Variants in ZNF141 observed in about 807,000 individuals in gnomAD.
The protein encoded by ZNF141 is zinc finger protein 141.
In ZNF141, 7 loss-of-function variants were observed where a neutral mutation model predicts 11.3. That is an observed-to-expected ratio of 0.62 (90% CI 0.35 to 1.16). The LOEUF (loss-of-function observed/expected upper bound fraction) is 1.16, where lower values mean the gene tolerates loss of function less well. Ranked by LOEUF, ZNF141 falls within the 50% of genes most tolerant of loss-of-function variation. The probability of loss-of-function intolerance (pLI) is 0.02; values close to 1 mark genes in which losing one functional copy is unlikely to be tolerated. For missense variants in ZNF141, 535 were observed against 554.0 expected (o/e 0.97, Z 0.34); for synonymous variants, 183 against 190.7 (o/e 0.96, Z 0.33).
chr4:366,463 C>T (rs188880378), intron 3 of ZNF141, among the ~76,000 whole-genome samples: 1 of 151,614 alleles, frequency 6.6e-6, no homozygotes, highest in Admixed American at 6.6e-5. Flanking sequence ...CGTGTGCCGC[C>T]CCACTAATTT....
At chr4:347,541 G>T (rs1174198164) in intron 3 of ZNF141, among the ~76,000 whole-genome samples, 2 of 151,706 alleles carry the variant, frequency 1.3e-5, no homozygotes, top group African/African-American at 4.8e-5. Flanking sequence ...GGGTTTCGCT[G>T]TGTTAGCCAG....
At chr4:357,637 G>A (rs1553851375) in intron 3 of ZNF141, among the ~76,000 whole-genome samples, 3 of 151,044 alleles carry the variant, frequency 2.0e-5, no homozygotes, top group Admixed American at 2.0e-4. Context: ...CTTAAGAGAT[G>A]TACATTCCTA....
At chr4:343,738 A>AG (rs1553848917) in intron 1 of ZNF141, 44 bp from the exon 2 acceptor site, 1 of 1,396,824 alleles carries the variant, frequency 7.2e-7, no homozygotes, top group Non-Finnish European at 9.4e-7. Context: ...AAAAAAAAAA[A>AG]AAAAAAAAAA....
chr4:370,842 T>G lies in ZNF141; in HGVS notation c.227-1822T>G, dbSNP rs1712020049. Among the ~76,000 whole-genome samples the G allele has an allele frequency of 2.0e-5, 3 of 152,110 alleles. No individual in the cohort carries two copies. The South Asian group carries it at 6.2e-4, about 32-fold the overall frequency. ...GCCTCCCAGGTTCACACCATTCTCC[T>G]GCCTCAGCCTCCCGCATAGCTGGGA... On this transcript the variant is annotated intron_variant, in intron 3 of 3. Transcript: ENST00000240499.
intron 3 of ZNF141, among the ~76,000 whole-genome samples, chr4:351,996 T>C (rs932229140): frequency 2.6e-5 from 4 of 152,066 alleles, no homozygotes; most frequent in African/African-American, 9.7e-5. Flanking sequence ...CTAAGGAGTA[T>C]TGCAGTGGGG....
chr4:351,820 G>A (rs1041829654), intron 3 of ZNF141, among the ~76,000 whole-genome samples: 8 of 152,160 alleles, frequency 5.3e-5, no homozygotes, highest in Non-Finnish European at 7.3e-5. Context: ...AATTAGACAG[G>A]GAAGGAGCCC....
At position 340,346 on chromosome 4, in the gene ZNF141, A is replaced by G. The variant is rs956750844; in HGVS notation, c.3+2360A>G. On this transcript the variant is annotated intron_variant, in intron 1 of 3. Transcript: ENST00000240499. ...CTATTTGGGATCTACAATCCCTTCT[A>G]TAGCAGTTTGACTAGATTTCTACAA... Among the ~76,000 whole-genome samples the G allele has an allele frequency of 7.9e-5, 12 of 152,368 alleles. No homozygotes were observed. In the East Asian group the frequency reaches 1.5e-3, roughly 20 times the overall value.
At chr4:369,764 A>ATATTTT in intron 3 of ZNF141, among the ~76,000 whole-genome samples, 4 of 48,722 alleles carry the variant, frequency 8.2e-5, no homozygotes, top group Middle Eastern at 0.02. Context: ...ATATATATAT[A>ATATTTT]TTTTTTTTTT....
chr4:384,464 C>T lies in ZNF141; in HGVS notation c.*10602C>T, dbSNP rs1712821802. 1 of 152,218 alleles carries T rather than the reference C, an allele frequency of 6.6e-6. No homozygotes were observed. The highest frequency in any genetic ancestry group is 2.1e-4 in the South Asian group (1 of 4,826). 9.4% of individuals were successfully genotyped at this position (152,218 alleles called of 1,614,324 possible). ...CAGGAAGAAATGTGGTTAAGAACTT[C>T]CTCTTATGCCAGGGTGTTGATCAGA... is the stretch of plus-strand genomic sequence containing the variant. On this transcript the variant is annotated 3_prime_UTR_variant, in exon 4 of 4. Transcript: ENST00000240499.
At chr4:351,802 C>G (rs1343661384) in intron 3 of ZNF141, among the ~76,000 whole-genome samples, 2 of 152,050 alleles carry the variant, frequency 1.3e-5, no homozygotes, top group Non-Finnish European at 2.9e-5. Flanking sequence ...GGTGTCTCAG[C>G]CTGCTCAAAT....
chr4:375,553 T>G lies in ZNF141; in HGVS notation c.*1691T>G, dbSNP rs79323293. 6.6e-6 allele frequency among the ~76,000 whole-genome samples: 1 copy of G among 152,052 alleles called. No homozygotes were observed. The highest frequency in any genetic ancestry group is 1.5e-5 in the Non-Finnish European group (1 of 67,926). On this transcript the variant is annotated 3_prime_UTR_variant, in exon 4 of 4. Transcript: ENST00000240499. Reference sequence around the variant, plus strand: ...AGAAAGAACTAAGGAACTAACACTTTAGACACTGCAGTAAATCAGAGTATT... The same window carrying G: ...AGAAAGAACTAAGGAACTAACACTTGAGACACTGCAGTAAATCAGAGTATT...
chr4:350,230 T>C lies in ZNF141; in HGVS notation c.226+5800T>C, dbSNP rs374502387. On this transcript the variant is annotated intron_variant, in intron 3 of 3. Coordinates refer to ENST00000240499, the MANE Select transcript of ZNF141 (RefSeq NM_003441.4). The stretch of plus-strand genomic sequence containing the variant: ...TCTATGGGCTCTTGAGTTGGCCATC[T>C]GAGTGAGGGCCTGCTTATTCTAAAT... The C allele has an allele frequency of 2.2e-5, 12 of 534,508 alleles. No individual in the cohort carries two copies. The African/African-American group carries it at 2.3e-4, about 10-fold the overall frequency. 33.1% of individuals were successfully genotyped at this position (534,508 alleles called of 1,614,324 possible). A position where few individuals can be genotyped will look rare whatever the true frequency, so the allele number is the denominator to read the frequency against.
rs1013917733 is a variant in ZNF141 at position 376,536 on chromosome 4, A to G, written c.*2674A>G. Reference sequence around the variant, plus strand: ...ATATCAGTATAATTATAATTCATACATTTATGCATCCTGAATACTTCTAAA... The same window carrying G: ...ATATCAGTATAATTATAATTCATACGTTTATGCATCCTGAATACTTCTAAA... On this transcript the variant is annotated 3_prime_UTR_variant, in exon 4 of 4. Transcript: ENST00000240499. 2.2e-4 allele frequency among the ~76,000 whole-genome samples: 33 copies of G among 152,096 alleles called. No individual in the cohort carries two copies. The highest frequency in any genetic ancestry group is 7.7e-4 in the African/African-American group (32 of 41,454).
Position 373,227 on chromosome 4 carries a change from T to G in ZNF141, c.790T>G (p.Phe264Val). ...TAAATGTGAAGAATGTGGCAAAGCCTTTAATAGGTTCACAACCCTTACTAA... is the reference window on the plus strand; with the variant it reads ...TAAATGTGAAGAATGTGGCAAAGCCGTTAATAGGTTCACAACCCTTACTAA... ...PYKCEECGKA[F>V]NRFTTLTKHK... The change falls in exon 4 of 4, where the codon TTT (phenylalanine) becomes GTT (valine). Residue 264 changes from phenylalanine to valine, a missense_variant. Transcript: ENST00000240499. 2 of 1,614,058 alleles carry G rather than the reference T, an allele frequency of 1.2e-6. No homozygotes were observed. The highest frequency in any genetic ancestry group is 1.7e-6 in the Non-Finnish European group (2 of 1,180,010).
intron 1 of ZNF141, among the ~76,000 whole-genome samples, chr4:343,298 A>T (rs547709867): frequency 6.6e-6 from 1 of 152,298 alleles, no homozygotes; most frequent in South Asian, 2.1e-4. Flanking sequence ...TTGGAATGCC[A>T]TCCTTTTTCT....
At chr4:357,078 CTTGAGTAG>C (rs1464681010) in intron 3 of ZNF141, among the ~76,000 whole-genome samples, 6 of 152,254 alleles carry the variant, frequency 3.9e-5, no homozygotes, top group African/African-American at 1.4e-4. Context: ...ATCTCAGCCT[CTTGAGTAG>C]CTGGAACTAC....
chr4:358,153 T>C (rs1721933496), intron 3 of ZNF141: 1 of 408,200 alleles, frequency 2.4e-6, no homozygotes, highest in South Asian at 1.8e-5. Context: ...CTCCAGCATA[T>C]GTATTTGGTT....
In ZNF141 at chr4:374,340, C is replaced by T. The variant is rs1581629654; in HGVS notation, c.*478C>T. ...TAAATGGTCCTCAACCCTTAATGAACGTAAGTGAATTCATGCTGGAGCAAA... is the reference window on the plus strand; with the variant it reads ...TAAATGGTCCTCAACCCTTAATGAATGTAAGTGAATTCATGCTGGAGCAAA... On this transcript the variant is annotated 3_prime_UTR_variant, in exon 4 of 4. Transcript: ENST00000240499. 1 of 331,100 alleles carries T rather than the reference C, an allele frequency of 3.0e-6. No homozygotes were observed. The highest frequency in any genetic ancestry group is 3.6e-5 in the Admixed American group (1 of 27,676). The allele number at this position is 331,100 out of a possible 1,614,324, so 20.5% of individuals were successfully genotyped here.
At position 378,148 on chromosome 4, in the gene ZNF141, A is replaced by G. The variant is rs944946340; in HGVS notation, c.*4286A>G. 1 of 152,176 alleles carries G rather than the reference A, an allele frequency of 6.6e-6. No homozygotes were observed. The highest frequency in any genetic ancestry group is 6.5e-5 in the Admixed American group (1 of 15,268). The allele number at this position is 152,176 out of a possible 1,614,324, so 9.4% of individuals were successfully genotyped here. A position where few individuals can be genotyped will look rare whatever the true frequency, so the allele number is the denominator to read the frequency against. On this transcript the variant is annotated 3_prime_UTR_variant, in exon 4 of 4. Transcript: ENST00000240499. ...CCACTGCAGTGCAGCCTGCCAACAGAGTAAGACCCGTCTCAACAACAACAA... is the reference window on the plus strand; with the variant it reads ...CCACTGCAGTGCAGCCTGCCAACAGGGTAAGACCCGTCTCAACAACAACAA...
Sources: allele counts gnomAD v4.1 joint callset (sites outside exome capture counted in the v4.1 genomes callset), GRCh38; gene constraint gnomAD v4.1.1; transcripts MANE v1.5; gene names NCBI Gene and HGNC (gene_info 2026-07-23, HGNC 2026-07-21).